NDE1: variants seen among roughly 807,000 people sequenced by gnomAD.
NDE1 encodes the protein nudE neurodevelopment protein 1.
In NDE1, 28 loss-of-function variants were observed where a neutral mutation model predicts 43.4. The observed-to-expected ratio is 0.65, with a 90% CI of 0.48 to 0.89. The LOEUF is 0.89. NDE1 is among the 40% of genes least tolerant of loss of function. The pLI is 0.00. For missense variants in NDE1, 441 were observed against 434.1 expected (o/e 1.02, Z -0.14); for synonymous variants, 184 against 172.0 (o/e 1.07, Z -0.55).
intron 8 of NDE1, chr16:15,717,104 C>A: frequency 1.2e-6 from 2 of 1,607,076 alleles, no homozygotes; most frequent in Non-Finnish European, 8.5e-7. Context: ...CCATCACCCC[C>A]CTGCAAACTG....
chr16:15,689,756 A>G (rs2038633580), intron 5 of NDE1, among the ~76,000 whole-genome samples: 1 of 152,056 alleles, frequency 6.6e-6, no homozygotes. Flanking sequence ...CCTGGACAAC[A>G]TGGTGAAACC....
At chr16:15,721,312 T>G in intron 8 of NDE1, 1 of 1,284,172 alleles carries the variant, frequency 7.8e-7, no homozygotes, top group Non-Finnish European at 1.1e-6. Context: ...CCATTTCCGA[T>G]GATAGTTCGC....
intron 1 of NDE1, among the ~76,000 whole-genome samples, chr16:15,656,633 C>T (rs569133133): frequency 3.3e-5 from 5 of 152,106 alleles, no homozygotes; most frequent in Admixed American, 1.3e-4. Flanking sequence ...CTCCACCTCC[C>T]GGGTTCAAGA....
intron 1 of NDE1, among the ~76,000 whole-genome samples, chr16:15,651,261 C>A (rs1460744805): frequency 6.6e-6 from 1 of 152,066 alleles, no homozygotes; most frequent in Non-Finnish European, 1.5e-5. Context: ...CTTTGCAGCA[C>A]GACCTAGGCA....
chr16:15,646,296 G>A (rs1475110578), upstream of NDE1, among the ~76,000 whole-genome samples: 3 of 152,208 alleles, frequency 2.0e-5, no homozygotes, highest in Non-Finnish European at 4.4e-5. Flanking sequence ...TCCGAGGGGG[G>A]CCAGGCGCAG....
intron 4 of NDE1, chr16:15,686,521 G>C: frequency 1.0e-6 from 1 of 985,296 alleles, no homozygotes. Flanking sequence ...ACCTGCTTAA[G>C]TGCATCTTAT....
chr16:15,691,008 A>C (rs1161650920), intron 5 of NDE1, 136 bp from the exon 6 acceptor site: 12 of 962,400 alleles, frequency 1.2e-5, no homozygotes, highest in South Asian at 8.2e-5. Flanking sequence ...AGGTTTCACC[A>C]TGTTGGTCAG....
At position 15,679,889 on chromosome 16, in the gene NDE1, C is replaced by T. The variant is rs188473490; in HGVS notation, c.386+1940C>T. On this transcript the variant is annotated intron_variant, in intron 4 of 8. Coordinates refer to ENST00000396354, the MANE Select transcript of NDE1 (RefSeq NM_017668.3). ...CACCTCCCAGATTCAAGTGATTCTC[C>T]TGCCTCAACCTCCGGAGTAGCTGGG... Among the ~76,000 whole-genome samples, 528 of 152,316 alleles carry T rather than the reference C, an allele frequency of 3.5e-3. 7 individuals carry two copies. The highest frequency in any genetic ancestry group is 3.2e-3 in the Non-Finnish European group (219 of 68,032).
intron 8 of NDE1, among the ~76,000 whole-genome samples, chr16:15,702,566 A>AT (rs1246037988): frequency 1.7e-5 from 2 of 115,920 alleles, no homozygotes; most frequent in African/African-American, 7.4e-5. Context: ...ACTAACAACA[A>AT]CAACAAAAAA....
At chr16:15,715,910 G>C (rs989548256) in intron 8 of NDE1, among the ~76,000 whole-genome samples, 5 of 152,142 alleles carry the variant, frequency 3.3e-5, no homozygotes, top group Non-Finnish European at 2.9e-5. Context: ...CAGATCACCT[G>C]TGGTCAGGAG....
intron 8 of NDE1, among the ~76,000 whole-genome samples, chr16:15,710,373 T>C (rs2039711399): frequency 6.6e-6 from 1 of 151,980 alleles, no homozygotes; most frequent in African/African-American, 2.4e-5. Flanking sequence ...ATACAAAAAT[T>C]AGCCAGGTGT....
At chr16:15,662,473 C>T (rs2037096820) in intron 1 of NDE1, among the ~76,000 whole-genome samples, 1 of 151,358 alleles carries the variant, frequency 6.6e-6, no homozygotes, top group Non-Finnish European at 1.5e-5. Flanking sequence ...TTAGTAGGGA[C>T]AGGGTTTCAC....
At chr16:15,669,683 C>A (rs554456782) in intron 3 of NDE1, among the ~76,000 whole-genome samples, 4 of 150,796 alleles carry the variant, frequency 2.7e-5, no homozygotes, top group Admixed American at 1.3e-4. Context: ...TTAGCAAGGA[C>A]GAGGTTTCAC....
rs376356902 is a variant in NDE1, at chr16:15,715,305, C to T, written c.948-8886C>T. On this transcript the variant is annotated intron_variant, in intron 8 of 8. Transcript: ENST00000396354. ...CAGCAAGGAAAACAGGTGGTTTCAGCGGAGGGTGGCACCCCTTGTAGCTGG... is the reference window on the plus strand; with the variant it reads ...CAGCAAGGAAAACAGGTGGTTTCAGTGGAGGGTGGCACCCCTTGTAGCTGG... The T allele has an allele frequency of 5.0e-5, 81 of 1,608,534 alleles. No individual in the cohort carries two copies. The South Asian group carries it at 6.2e-4, about 12-fold the overall frequency.
chr16:15,645,172 G>A (rs898283344), intron 1 of NDE1, among the ~76,000 whole-genome samples: 12 of 151,966 alleles, frequency 7.9e-5, no homozygotes, highest in South Asian at 4.1e-4. Flanking sequence ...CTCCCGCCTC[G>A]GCCTCTTTAG....
At position 15,725,610 on chromosome 16, in the gene NDE1, G is replaced by T; in HGVS notation, c.*1359G>T. The T allele has an allele frequency of 2.5e-6, 1 of 405,304 alleles. No homozygotes were observed. Among genetic ancestry groups the T allele is most frequent in the Non-Finnish European group, 4.4e-6 (1 of 229,624 alleles). The allele number at this position is 405,304 out of a possible 1,614,324, so 25.1% of individuals were successfully genotyped here. On this transcript the variant is annotated 3_prime_UTR_variant, in exon 9 of 9. Transcript: ENST00000396354. ...TCTCTTCCATTGACAAGGAGGATAT[G>T]AATGATCTTGACACTGCTTATATGA...
At chr16:15,718,236 C>T (rs976436196) in intron 8 of NDE1, 37 of 1,598,704 alleles carry the variant, frequency 2.3e-5, no homozygotes, top group African/African-American at 5.3e-5. Flanking sequence ...GAAGCCGCCA[C>T]GCGTGTGTTG....
At position 15,719,847 on chromosome 16, in the gene NDE1, G is replaced by A. The variant is rs554535412; in HGVS notation, c.948-4344G>A. 4.6e-5 allele frequency: 61 copies of A among 1,322,372 alleles called. 3 individuals carry two copies. In the East Asian group the frequency reaches 1.4e-3, roughly 30 times the overall value. 81.9% of individuals were successfully genotyped at this position (1,322,372 alleles called of 1,614,324 possible). On this transcript the variant is annotated intron_variant, in intron 8 of 8. Coordinates refer to ENST00000396354, the MANE Select transcript of NDE1 (RefSeq NM_017668.3). ...AAAGAAGTTCCCATTGCACGAGCATGGCTCTCAGTTCCAGGTGGCTGGTGG... is the reference window on the plus strand; with the variant it reads ...AAAGAAGTTCCCATTGCACGAGCATAGCTCTCAGTTCCAGGTGGCTGGTGG...
intron 4 of NDE1, among the ~76,000 whole-genome samples, chr16:15,686,061 C>T (rs941477563): frequency 6.6e-6 from 1 of 151,824 alleles, no homozygotes; most frequent in Non-Finnish European, 1.5e-5. Flanking sequence ...AAGCGATTCT[C>T]CTGTCTCACC....
Sources: gnomAD v4.1 joint callset for allele counts (sites outside exome capture counted in the v4.1 genomes callset) on GRCh38, gnomAD v4.1.1 for gene constraint, MANE v1.5 for transcripts, NCBI Gene and HGNC (gene_info 2026-07-23, HGNC 2026-07-21) for gene names.